The following SYNPR variants were observed in gnomAD, a reference collection of about 807,000 sequenced individuals.
SYNPR encodes synaptoporin.
SYNPR carries 23 observed loss-of-function variants against 32.9 expected under a neutral mutation model. That is an observed-to-expected ratio of 0.70 (90% CI 0.50 to 0.99). SYNPR has a LOEUF of 0.99. Among genes scored for constraint, SYNPR ranks in the 50% least tolerant of loss-of-function variants. SYNPR has a pLI of 0.00. For synonymous variants in SYNPR, 146 were observed against 135.9 expected (o/e 1.07, Z -0.52); for missense variants, 318 against 349.3 (o/e 0.91, Z 0.71).
chr3:63,567,665 G>C (rs1430038094), intron 4 of SYNPR, among the ~76,000 whole-genome samples: 4 of 152,174 alleles, frequency 2.6e-5, no homozygotes, highest in Non-Finnish European at 5.9e-5. Context: ...TTGCTGATTA[G>C]CAGGATCCTA....
intron 2 of SYNPR, among the ~76,000 whole-genome samples, chr3:63,445,293 A>G (rs1700255110): frequency 1.3e-5 from 2 of 152,178 alleles, no homozygotes; most frequent in Non-Finnish European, 2.9e-5. Flanking sequence ...CAGAAGTGTT[A>G]GGGCTCCAAG....
chr3:63,377,693 C>CA (rs1028048936), intron 2 of SYNPR, among the ~76,000 whole-genome samples: 2 of 151,836 alleles, frequency 1.3e-5, no homozygotes, highest in African/African-American at 4.8e-5. Flanking sequence ...TGTTATTAAA[C>CA]AAAAACATTA....
chr3:63,314,006 CAT>C (rs747524173), intron 2 of SYNPR, among the ~76,000 whole-genome samples: 3 of 1,250 alleles, frequency 2.4e-3, no homozygotes, highest in Non-Finnish European at 5.1e-3. Flanking sequence ...TATATATATC[CAT>C]ATATATATAT....
At chr3:63,402,894 G>A (rs2088311494) in intron 2 of SYNPR, among the ~76,000 whole-genome samples, 2 of 152,208 alleles carry the variant, frequency 1.3e-5, no homozygotes, top group Admixed American at 6.5e-5. Context: ...GGGCACACAG[G>A]ATGGAGAACT....
intron 4 of SYNPR, among the ~76,000 whole-genome samples, chr3:63,562,895 G>C (rs183585187): frequency 4.7e-4 from 72 of 152,150 alleles, no homozygotes; most frequent in African/African-American, 1.6e-3. Flanking sequence ...TTCACGTATA[G>C]AATAGTGTTA....
intron 2 of SYNPR, among the ~76,000 whole-genome samples, chr3:63,290,826 C>A (rs2086731368): frequency 6.6e-6 from 1 of 152,088 alleles, no homozygotes; most frequent in Admixed American, 6.5e-5. Context: ...CATTTGTGTG[C>A]TTTAACAGGA....
chr3:63,506,437 T>C (rs1361724551), intron 3 of SYNPR, among the ~76,000 whole-genome samples: 3 of 152,202 alleles, frequency 2.0e-5, no homozygotes, highest in East Asian at 1.9e-4. Flanking sequence ...TCCAGGTGAA[T>C]GAGTTAGGCC....
intron 4 of SYNPR, among the ~76,000 whole-genome samples, chr3:63,563,958 A>C (rs1473306575): frequency 9.3e-6 from 1 of 107,880 alleles, no homozygotes; most frequent in Non-Finnish European, 1.8e-5. Flanking sequence ...CATTTTAATA[A>C]ATACTCTCAA....
At chr3:63,480,073 C>A (rs138399785) in intron 2 of SYNPR, among the ~76,000 whole-genome samples, 44 of 152,320 alleles carry the variant, frequency 2.9e-4, no homozygotes, top group African/African-American at 1.0e-3. Context: ...TATGTCCCCT[C>A]TTAGGCCATC....
At chr3:63,283,545 T>A (rs2086650333) in intron 2 of SYNPR, among the ~76,000 whole-genome samples, 1 of 151,936 alleles carries the variant, frequency 6.6e-6, no homozygotes, top group African/African-American at 2.4e-5. Context: ...AATGGCAAAA[T>A]GTATATATTA....
At chr3:63,379,689 CT>C (rs532846193) in intron 2 of SYNPR, among the ~76,000 whole-genome samples, 172 of 151,228 alleles carry the variant, frequency 1.1e-3, no homozygotes, top group African/African-American at 3.6e-3. Context: ...CTTTTGCTTT[CT>C]TTTTTTTATT....
chr3:63,420,717 T>G (rs1320478155), intron 2 of SYNPR, among the ~76,000 whole-genome samples: 5 of 152,130 alleles, frequency 3.3e-5, no homozygotes, highest in African/African-American at 1.2e-4. Context: ...AATTTTTATA[T>G]GACGAAGGAT....
At chr3:63,609,401 G>C in intron 5 of SYNPR, 85 bp downstream of exon 5, 1 of 1,269,356 alleles carries the variant, frequency 7.9e-7, no homozygotes, top group Non-Finnish European at 1.0e-6. Flanking sequence ...AAGTCATCTT[G>C]AAAATTGTTG....
intron 4 of SYNPR, among the ~76,000 whole-genome samples, chr3:63,605,338 C>T (rs1004999006): frequency 6.6e-6 from 1 of 152,088 alleles, no homozygotes; most frequent in Non-Finnish European, 1.5e-5. Flanking sequence ...TGTGAAGTCC[C>T]CAAGACAGGA....
At chr3:63,519,945 T>G (rs1432116067) in intron 3 of SYNPR, among the ~76,000 whole-genome samples, 1 of 152,216 alleles carries the variant, frequency 6.6e-6, no homozygotes, top group Non-Finnish European at 1.5e-5. Flanking sequence ...TTTTAGACAA[T>G]ATATGTGTGT....
intron 1 of SYNPR, among the ~76,000 whole-genome samples, chr3:63,240,508 G>A (rs908193027): frequency 3.3e-5 from 5 of 152,088 alleles, no homozygotes; most frequent in African/African-American, 1.2e-4. Flanking sequence ...TGAAAGAGGA[G>A]ACCGGTCTTT....
At chr3:63,370,782 AT>A (rs2087802188) in intron 2 of SYNPR, among the ~76,000 whole-genome samples, 1 of 152,192 alleles carries the variant, frequency 6.6e-6, no homozygotes, top group South Asian at 2.1e-4. Context: ...ATTTTATGCT[AT>A]CAGGTTAAAC....
chr3:63,284,161 T>G (rs994644742), intron 2 of SYNPR, among the ~76,000 whole-genome samples: 3 of 151,190 alleles, frequency 2.0e-5, no homozygotes, highest in African/African-American at 7.3e-5. Flanking sequence ...ACCTTTGGTC[T>G]CTTTTTTTCC....
the SYNPR span, among the ~76,000 whole-genome samples, chr3:63,218,449 C>T: frequency 1.3e-5 from 2 of 152,170 alleles, no homozygotes; most frequent in African/African-American, 4.8e-5. Context: ...TTCTTTGTGT[C>T]CTCCAAACAT....
Sources: allele counts gnomAD v4.1 joint callset (sites outside exome capture counted in the v4.1 genomes callset), GRCh38; gene constraint gnomAD v4.1.1; transcripts MANE v1.5; gene names NCBI Gene and HGNC (gene_info 2026-07-23, HGNC 2026-07-21).